Variants in ANGEL1 observed in about 807,000 individuals in gnomAD.
ANGEL1 encodes the protein RNA 2',3'-cyclic phosphatase ANGEL1.
Under a neutral mutation model 76.4 loss-of-function variants are expected in ANGEL1, and 62 were observed. That is an observed-to-expected ratio of 0.81 (90% CI 0.66 to 1.00). The LOEUF is 1.00. Ranked by LOEUF, ANGEL1 falls within the 50% of genes least tolerant of loss-of-function variation. ANGEL1 has a pLI of 0.00. For missense variants in ANGEL1, 737 were observed against 836.7 expected, an observed-to-expected ratio of 0.88 and a Z score of 1.47; for synonymous variants, 340 against 331.7, an observed-to-expected ratio of 1.03 and a Z score of -0.27.
At chr14:76,797,056 T>TCC (rs1894600920) in intron 7 of ANGEL1, among the ~76,000 whole-genome samples, 2 of 152,174 alleles carry the variant, frequency 1.3e-5, no homozygotes, top group East Asian at 1.9e-4. Context: ...ACTCAAGGCT[T>TCC]CCACCTACTC....
At chr14:76,805,694 T>C (rs971784462) in intron 5 of ANGEL1, among the ~76,000 whole-genome samples, 1 of 152,158 alleles carries the variant, frequency 6.6e-6, no homozygotes, top group Admixed American at 6.5e-5. Flanking sequence ...AAATGAAACA[T>C]ACAGTAGTGT....
At chr14:76,804,338 G>T in intron 5 of ANGEL1, 1 of 1,079,022 alleles carries the variant, frequency 9.3e-7, no homozygotes. Flanking sequence ...GGTAACCACA[G>T]GGTCAAACCA....
intron 3 of ANGEL1, 56 bp downstream of exon 3, chr14:76,807,866 G>A: frequency 6.3e-7 from 1 of 1,581,306 alleles, no homozygotes. Context: ...AAGAGCACTG[G>A]GCAACAGCCC....
chr14:76,789,108 G>C lies in ANGEL1; in HGVS notation c.*120C>G. On this transcript the variant is annotated 3_prime_UTR_variant, in exon 10 of 10. Coordinates refer to ENST00000251089, the MANE Select transcript of ANGEL1 (RefSeq NM_015305.4). ...AACCGTGGGAAAAAGGGAACGAGGA[G>C]GGGGAAGGGAGGGGATGTAAGTTTC... is the stretch of plus-strand genomic sequence containing the variant. 3 of 1,312,370 alleles carry C rather than the reference G, an allele frequency of 2.3e-6. No individual in the cohort carries two copies. Among genetic ancestry groups the C allele is most frequent in the Admixed American group, 2.1e-5 (1 of 47,094 alleles). The allele number at this position is 1,312,370 out of a possible 1,614,324, so 81.3% of individuals were successfully genotyped here.
chr14:76,807,464 C>G lies in ANGEL1; in HGVS notation c.915G>C (p.Trp305Cys), dbSNP rs1227655570. The change falls in exon 4 of 10, where the codon TGG becomes TGC. Residue 305 changes from tryptophan (W) to cysteine (C), a missense_variant. Physicochemically the swap from Trp to Cys is radical, Grantham distance 215. Transcript: ENST00000251089. ...CLQEVQEDHY[W>C]EQLEPSLRMM... The stretch of plus-strand genomic sequence containing the variant: ...TTCGCAGAGAGGGTTCCAGCTGCTC[C>G]CAGTAATGATCTTCCTGGACTTCCT... 1.9e-6 allele frequency: 3 copies of G among 1,613,296 alleles called. No individual in the cohort carries two copies. In the African/African-American group the frequency reaches 4.0e-5, roughly 22 times the overall value.
intron 7 of ANGEL1, among the ~76,000 whole-genome samples, chr14:76,799,232 A>C (rs1226336065): frequency 6.7e-6 from 1 of 149,890 alleles, no homozygotes; most frequent in African/African-American, 2.5e-5. Context: ...CCTCTAGAAA[A>C]ATGAACTCAC....
In ANGEL1 at chr14:76,809,528, C is replaced by T. The variant is rs1431802287; in HGVS notation, c.180G>A (p.Leu60=). 1.9e-6 allele frequency: 3 copies of T among 1,614,238 alleles called. No homozygotes were observed. Among genetic ancestry groups the T allele is most frequent in the East Asian group, 4.5e-5 (2 of 44,888 alleles). The change falls in exon 2 of 10, where the codon CTG becomes CTA. Residue 60 remains leucine, a synonymous_variant. Transcript: ENST00000251089. Reference sequence around the variant, plus strand: ...ACCCTTCTTCTCGCCACTGCTGCAGCAGGCCCTCACATTCCTCCTGCTCAG... The same window carrying T: ...ACCCTTCTTCTCGCCACTGCTGCAGTAGGCCCTCACATTCCTCCTGCTCAG... ...RGPEQEECEG[L]LQQWREEGLS...
rs67045899 is a variant in ANGEL1, at chr14:76,786,166, TC to T, written c.*3061del. On this transcript the variant is annotated 3_prime_UTR_variant, in exon 10 of 10. Transcript: ENST00000251089. ...GAGTTTTCTTTCTTTTCTTTTCTTT[TC>T]TTTTTTTTTTTTTGAGATGGAGTTT... The T allele has an allele frequency of 0.14, 20,538 of 143,420 alleles. 1,913 individuals carry two copies. The highest frequency in any genetic ancestry group is 0.19 in the African/African-American group (7,171 of 37,558). 8.9% of individuals were successfully genotyped at this position (143,420 alleles called of 1,614,324 possible). A position where few individuals can be genotyped will look rare whatever the true frequency, so the allele number is the denominator to read the frequency against.
intron 5 of ANGEL1, among the ~76,000 whole-genome samples, chr14:76,805,536 T>C (rs893247199): frequency 3.9e-5 from 6 of 152,056 alleles, no homozygotes; most frequent in Admixed American, 3.9e-4. Context: ...ATTGAAACAG[T>C]AGGGGCAAAA....
At position 76,803,228 on chromosome 14, in the gene ANGEL1, A is replaced by T. The variant is rs145988050; in HGVS notation, c.1618+143T>A. 5.0e-3 allele frequency: 3,479 copies of T among 698,880 alleles called. 15 individuals carry two copies. Among genetic ancestry groups the T allele is most frequent in the Middle Eastern group, 0.016 (38 of 2,424 alleles). The allele number at this position is 698,880 out of a possible 1,614,324, so 43.3% of individuals were successfully genotyped here. Reference sequence around the variant, plus strand: ...ATCCATGCAATGGCCACTGAACTCAACTAACCTTCCTTCTAAATATACGTA... The same window carrying T: ...ATCCATGCAATGGCCACTGAACTCATCTAACCTTCCTTCTAAATATACGTA... On this transcript the variant is annotated intron_variant, in intron 7 of 9. Transcript: ENST00000251089.
At chr14:76,800,006 G>A (rs1468346607) in intron 7 of ANGEL1, among the ~76,000 whole-genome samples, 7 of 152,064 alleles carry the variant, frequency 4.6e-5, no homozygotes, top group Admixed American at 1.3e-4. Context: ...CAAAGTATGT[G>A]GAGAATAAGT....
At position 76,807,498 on chromosome 14, in the gene ANGEL1, A is replaced by G. The variant is rs1894953952; in HGVS notation, c.881T>C (p.Leu294Pro). Residue 294 changes from leucine to proline, a missense_variant, in exon 4 of 10, where the codon CTG becomes CCG. Leu to Pro is a moderately conservative substitution (Grantham distance 98, BLOSUM62 -3). Coordinates refer to ENST00000251089, the MANE Select transcript of ANGEL1 (RefSeq NM_015305.4). Reference protein sequence around the residue: ...QEFQHWDPDILCLQEVQEDHY... With the variant: ...QEFQHWDPDIPCLQEVQEDHY... ...ATCTTCCTGGACTTCCTGGAGACAC[A>G]GGATCTGGGAAATTGACAAGAAACC... 2 of 1,613,246 alleles carry G rather than the reference A, an allele frequency of 1.2e-6. No individual in the cohort carries two copies. The highest frequency in any genetic ancestry group is 1.7e-6 in the Non-Finnish European group (2 of 1,179,732).
chr14:76,802,227 A>T (rs1894788925), intron 7 of ANGEL1, among the ~76,000 whole-genome samples: 1 of 152,216 alleles, frequency 6.6e-6, no homozygotes, highest in Admixed American at 6.5e-5. Flanking sequence ...ATGAGAAAGT[A>T]ATCGTAATTT....
intron 9 of ANGEL1, 102 bp downstream of exon 9, chr14:76,790,509 G>GTAT: frequency 6.6e-7 from 1 of 1,512,874 alleles, no homozygotes. Flanking sequence ...TCCTTTGCTG[G>GTAT]TTAAATCCCA....
In ANGEL1 at chr14:76,791,285, G is replaced by A. The variant is rs531908104; in HGVS notation, c.1688+12C>T. 2.5e-6 allele frequency: 4 copies of A among 1,613,914 alleles called. No homozygotes were observed. Among genetic ancestry groups the A allele is most frequent in the African/African-American group, 2.7e-5 (2 of 75,058 alleles). ...GCTGGATTGAAAACAGAAGAGAACT[G>A]GAGAAGGTTACCTGGAGAAGGCAGG... On this transcript the variant is annotated intron_variant, in intron 8 of 9. Transcript: ENST00000251089.
At chr14:76,790,501 C>T in intron 9 of ANGEL1, 110 bp downstream of exon 9, 6 of 1,498,700 alleles carry the variant, frequency 4.0e-6, no homozygotes. Context: ...AAATCTGCTC[C>T]TTTGCTGGTT....
At chr14:76,801,044 CA>C (rs1298799115) in intron 7 of ANGEL1, among the ~76,000 whole-genome samples, 2 of 151,378 alleles carry the variant, frequency 1.3e-5, no homozygotes, top group African/African-American at 4.8e-5. Context: ...TTTAACTGCC[CA>C]AAAGATTCTT....
intron 2 of ANGEL1, among the ~76,000 whole-genome samples, chr14:76,808,360 C>T (rs8020916): frequency 0.1 from 15,395 of 152,208 alleles, 1,137 homozygotes; most frequent in African/African-American, 0.21. Flanking sequence ...GCCTGCTCAC[C>T]ACTACATCCC....
intron 2 of ANGEL1, 145 bp from the exon 3 acceptor site, chr14:76,808,293 T>G (rs1012276125): frequency 2.9e-6 from 2 of 695,570 alleles, no homozygotes; most frequent in Admixed American, 5.4e-5. Flanking sequence ...GGGAATTGAT[T>G]TCTATGGACA....
Sources: allele counts gnomAD v4.1 joint callset (sites outside exome capture counted in the v4.1 genomes callset), GRCh38; gene constraint gnomAD v4.1.1; transcripts MANE v1.5; gene names NCBI Gene and HGNC (gene_info 2026-07-23, HGNC 2026-07-21).